Variants in CCDC85C observed in about 807,000 individuals in gnomAD.
CCDC85C encodes the protein coiled-coil domain containing 85C.
Under a neutral mutation model 38.3 loss-of-function variants are expected in CCDC85C, and 18 were observed. The observed-to-expected ratio is 0.47, with a 90% CI of 0.33 to 0.70. The LOEUF is 0.70. Ranked by LOEUF, CCDC85C falls within the 30% of genes least tolerant of loss-of-function variation. CCDC85C has a pLI of 0.03. For synonymous variants in CCDC85C, 264 were observed against 293.8 expected (o/e 0.90, Z 1.04); for missense variants, 566 against 621.2 (o/e 0.91, Z 0.94).
chr14:99,579,922 C>T (rs894715454), intron 1 of CCDC85C: 10 of 345,338 alleles, frequency 2.9e-5, no homozygotes, highest in South Asian at 1.2e-4. Flanking sequence ...TGCCCACCCC[C>T]GTCTGGCTCA....
At position 99,582,965 on chromosome 14, in the gene CCDC85C, C is replaced by T. The variant is rs564934793; in HGVS notation, c.793+20202G>A. 1.1e-4 allele frequency: 16 copies of T among 152,272 alleles called. No homozygotes were observed. In the East Asian group the frequency reaches 1.2e-3, roughly 11 times the overall value. The allele number at this position is 152,272 out of a possible 1,614,324, so 9.4% of individuals were successfully genotyped here. A position where few individuals can be genotyped will look rare whatever the true frequency, so the allele number is the denominator to read the frequency against. On this transcript the variant is annotated intron_variant, in intron 1 of 5. Transcript: ENST00000380243. ...GGGGACACTGGGCGCAGAGTTTATA[C>T]GAGAACTCTCTGTATCTCCTCAATT...
At position 99,503,399 on chromosome 14, in the gene CCDC85C, G is replaced by T; in HGVS notation, c.*11847C>A. 4 of 605,044 alleles carry T rather than the reference G, an allele frequency of 6.6e-6. No individual in the cohort carries two copies. Among genetic ancestry groups the T allele is most frequent in the South Asian group, 6.0e-5 (3 of 49,928 alleles). 37.5% of individuals were successfully genotyped at this position (605,044 alleles called of 1,614,324 possible). On this transcript the variant is annotated 3_prime_UTR_variant, in exon 6 of 6. Coordinates refer to ENST00000380243, the MANE Select transcript of CCDC85C (RefSeq NM_001144995.2). ...ACCATTCAGGAAAGCTAGTCATTCT[G>T]TCTTATTTGGTAAATGGAAAGAGGA...
rs918156496 is a variant in CCDC85C at position 99,500,878 on chromosome 14, A to C, written c.*14368T>G. The C allele has an allele frequency of 1.3e-6, 2 of 1,482,278 alleles. No homozygotes were observed. Among genetic ancestry groups the C allele is most frequent in the Non-Finnish European group, 1.8e-6 (2 of 1,094,582 alleles). The allele number at this position is 1,482,278 out of a possible 1,614,324, so 91.8% of individuals were successfully genotyped here. On this transcript the variant is annotated 3_prime_UTR_variant, in exon 6 of 6. Transcript: ENST00000380243. ...TATGCAAAGCAACTCAAAGGTAAGAAGAAAGTTTTCAGAAGAATTTTTTCA... is the reference window on the plus strand; with the variant it reads ...TATGCAAAGCAACTCAAAGGTAAGACGAAAGTTTTCAGAAGAATTTTTTCA...
intron 1 of CCDC85C, among the ~76,000 whole-genome samples, chr14:99,568,250 A>ATTTTT (rs3070390): frequency 1.6e-5 from 2 of 126,942 alleles, no homozygotes; most frequent in Admixed American, 8.5e-5. Context: ...CCTGCCCTTT[A>ATTTTT]TTTTTTTTTT....
rs935312703 is a variant in CCDC85C, at chr14:99,544,528, G to A, written c.794-8440C>T. Among the ~76,000 whole-genome samples the A allele has an allele frequency of 7.2e-5, 11 of 152,016 alleles. No homozygotes were observed. The highest frequency in any genetic ancestry group is 2.4e-4 in the African/African-American group (10 of 41,330). On this transcript the variant is annotated intron_variant, in intron 1 of 5. Coordinates refer to ENST00000380243, the MANE Select transcript of CCDC85C (RefSeq NM_001144995.2). This position sits in a 1 kb window ranked among gnomAD's most constrained non-coding sequence, Gnocchi z 5.3. ...TGTGTGTGTGTGTGTCTGTGTGTCTGTGTGTTCCCACACCCAGGACTCTTC... is the reference window on the plus strand; with the variant it reads ...TGTGTGTGTGTGTGTCTGTGTGTCTATGTGTTCCCACACCCAGGACTCTTC...
At position 99,521,902 on chromosome 14, in the gene CCDC85C, G is replaced by A. The variant is rs578064186; in HGVS notation, c.975+231C>T. Among the ~76,000 whole-genome samples the A allele has an allele frequency of 7.2e-4, 109 of 152,352 alleles. 1 individual carries two copies. The East Asian group carries it at 0.013, about 18-fold the overall frequency. On this transcript the variant is annotated intron_variant, in intron 3 of 5. Transcript: ENST00000380243. ...GCTCAGAGGGACAGGGGCTAGGCAC[G>A]GGCAGCCCTGCGCACGTGGCCTCTG... is the stretch of plus-strand genomic sequence containing the variant.
rs145938279 is a variant in CCDC85C at position 99,580,446 on chromosome 14, G to A, written c.793+22721C>T. On this transcript the variant is annotated intron_variant, in intron 1 of 5. Transcript: ENST00000380243. ...GGCGGCATCTCAGCCACAGGCTGGAGACATGAGGGACGTCCCCAGTGAGGG... is the reference window on the plus strand; with the variant it reads ...GGCGGCATCTCAGCCACAGGCTGGAAACATGAGGGACGTCCCCAGTGAGGG... 1.3e-3 allele frequency among the ~76,000 whole-genome samples: 167 copies of A among 131,072 alleles called. 1 individual carries two copies. The East Asian group carries it at 0.042, about 33-fold the overall frequency. The allele number at this position is 131,072 out of a possible 152,430, so 86.0% of individuals were successfully genotyped here. A position where few individuals can be genotyped will look rare whatever the true frequency, so the allele number is the denominator to read the frequency against.
intron 1 of CCDC85C, among the ~76,000 whole-genome samples, chr14:99,540,156 G>C (rs1055508831): frequency 7.5e-5 from 4 of 53,676 alleles, no homozygotes; most frequent in Admixed American, 3.6e-4. Context: ...AAAAAAAAAG[G>C]GGGGGGAACG....
chr14:99,565,480 G>T (rs1457943582), intron 1 of CCDC85C, among the ~76,000 whole-genome samples: 1 of 152,230 alleles, frequency 6.6e-6, no homozygotes, highest in East Asian at 1.9e-4. Flanking sequence ...TAAAACCTTA[G>T]TAGCACTGGC....
intron 1 of CCDC85C, among the ~76,000 whole-genome samples, chr14:99,568,243 GC>G (rs1295935378): frequency 1.3e-5 from 1 of 77,942 alleles, no homozygotes; most frequent in Non-Finnish European, 2.6e-5. Context: ...GAGGCCACCT[GC>G]CCTTTATTTT....
chr14:99,591,339 C>T (rs541246030), intron 1 of CCDC85C, among the ~76,000 whole-genome samples: 83 of 152,376 alleles, frequency 5.4e-4, no homozygotes, highest in African/African-American at 1.9e-3. Context: ...CACATGCGCC[C>T]GCTCAAGGCT....
chr14:99,501,250 GTGTAT>G lies in CCDC85C; in HGVS notation c.*13991_*13995del. ...GTTTCCCACGCAAAAGCTCTTTGCT[GTGTAT>G]TTGAGTGGTGCTGAACACGTGGTAG... is the stretch of plus-strand genomic sequence containing the variant. On this transcript the variant is annotated 3_prime_UTR_variant, in exon 6 of 6. Transcript: ENST00000380243. 2 of 746,288 alleles carry G rather than the reference GTGTAT, an allele frequency of 2.7e-6. No homozygotes were observed. Among genetic ancestry groups the G allele is most frequent in the Non-Finnish European group, 4.8e-6 (2 of 419,580 alleles). The allele number at this position is 746,288 out of a possible 1,614,324, so 46.2% of individuals were successfully genotyped here.
At chr14:99,578,198 CAT>C (rs2054920139) in intron 1 of CCDC85C, among the ~76,000 whole-genome samples, 1 of 111,508 alleles carries the variant, frequency 9.0e-6, no homozygotes, top group African/African-American at 4.5e-5. Context: ...TGTGTGTGTA[CAT>C]ATCTCTACAC....
Position 99,501,621 on chromosome 14 carries a change from G to A in CCDC85C, c.*13625C>T. 1 of 539,404 alleles carries A rather than the reference G, an allele frequency of 1.9e-6. No homozygotes were observed. The highest frequency in any genetic ancestry group is 3.3e-6 in the Non-Finnish European group (1 of 307,400). The allele number at this position is 539,404 out of a possible 1,614,324, so 33.4% of individuals were successfully genotyped here. A position where few individuals can be genotyped will look rare whatever the true frequency, so the allele number is the denominator to read the frequency against. On this transcript the variant is annotated 3_prime_UTR_variant, in exon 6 of 6. Transcript: ENST00000380243. Reference sequence around the variant, plus strand: ...TTCTGCCCTGCCGTGTCATGGTGTTGTGAGGTGCTGAAATTTTATCACCAG... The same window carrying A: ...TTCTGCCCTGCCGTGTCATGGTGTTATGAGGTGCTGAAATTTTATCACCAG...
intron 1 of CCDC85C, among the ~76,000 whole-genome samples, chr14:99,540,427 G>C (rs1362828237): frequency 6.6e-6 from 1 of 152,226 alleles, no homozygotes. Flanking sequence ...CTCCCCGGGA[G>C]GACTGTCCTT....
rs911955820 is a variant in CCDC85C, at chr14:99,533,486, C to A, written c.867+2529G>T. Among the ~76,000 whole-genome samples, 16 of 152,312 alleles carry A rather than the reference C, an allele frequency of 1.1e-4. 1 individual carries two copies. Among genetic ancestry groups the A allele is most frequent in the South Asian group, 8.3e-4 (4 of 4,830 alleles). ...TCTGCACTGGATGATCTCTGAATTC[C>A]GCGCCCTGGTTGTATGTAACAACAA... On this transcript the variant is annotated intron_variant, in intron 2 of 5. Transcript: ENST00000380243. This position sits in a 1 kb window ranked among gnomAD's most constrained non-coding sequence, Gnocchi z 4.2.
At chr14:99,536,696 C>A (rs979833430) in intron 1 of CCDC85C, among the ~76,000 whole-genome samples, 1 of 152,208 alleles carries the variant, frequency 6.6e-6, no homozygotes, top group African/African-American at 2.4e-5. Flanking sequence ...ATATGACAGT[C>A]GGGAACCCCG....
chr14:99,551,678 G>A (rs1447350239), intron 1 of CCDC85C, among the ~76,000 whole-genome samples: 2 of 148,712 alleles, frequency 1.3e-5, no homozygotes, highest in Non-Finnish European at 3.0e-5. Flanking sequence ...GGGTGTGCAG[G>A]TGGGTGAGAG....
intron 3 of CCDC85C, among the ~76,000 whole-genome samples, chr14:99,519,279 C>CTTTT (rs60431041): frequency 6.3e-4 from 78 of 122,844 alleles, no homozygotes; most frequent in African/African-American, 2.0e-3. Context: ...CCATGCCCAG[C>CTTTT]TTTTTTTTTT....
Sources: allele counts gnomAD v4.1 joint callset (sites outside exome capture counted in the v4.1 genomes callset), GRCh38; gene constraint gnomAD v4.1.1; non-coding constraint Gnocchi (gnomAD v3.1); transcripts MANE v1.5; gene names NCBI Gene and HGNC (gene_info 2026-07-23, HGNC 2026-07-21).